RGS7BP: variants seen among roughly 807,000 people sequenced by gnomAD.
The protein encoded by RGS7BP is regulator of G protein signaling 7 binding protein, also known as regulator of G protein signaling 7-binding protein.
A neutral mutation model predicts 31.3 loss-of-function variants in RGS7BP; 9 were observed. The ratio of observed to expected loss-of-function variants is 0.29; its 90% CI spans 0.17 to 0.50. RGS7BP has a LOEUF of 0.50. RGS7BP is among the 20% of genes least tolerant of loss of function. The pLI is 0.98. For missense variants in RGS7BP, 274 were observed against 322.0 expected, an observed-to-expected ratio of 0.85 and a Z score of 1.14; for synonymous variants, 115 against 120.1, an observed-to-expected ratio of 0.96 and a Z score of 0.28.
intron 5 of RGS7BP, among the ~76,000 whole-genome samples, chr5:64,604,174 CT>C (rs1201612905): frequency 6.6e-6 from 1 of 152,110 alleles, no homozygotes; most frequent in African/African-American, 2.4e-5. Context: ...GATCACTTCT[CT>C]TTATTCACAC....
rs77210004 is a variant in RGS7BP at position 64,534,169 on chromosome 5, C to G, written c.332+26292C>G. On this transcript the variant is annotated intron_variant, in intron 2 of 5. Transcript: ENST00000334025. Reference sequence around the variant, plus strand: ...GAGCCAGCCATGCGAAGATCTGGGGCAGAGCATGCCAGGCAGAAGGAGGAG... The same window carrying G: ...GAGCCAGCCATGCGAAGATCTGGGGGAGAGCATGCCAGGCAGAAGGAGGAG... Among the ~76,000 whole-genome samples, 516 of 152,142 alleles carry G rather than the reference C, an allele frequency of 3.4e-3. 6 individuals are homozygous for G. Among genetic ancestry groups the G allele is most frequent in the African/African-American group, 0.011 (443 of 41,496 alleles).
intron 2 of RGS7BP, among the ~76,000 whole-genome samples, chr5:64,569,359 T>G (rs545439659): frequency 1.3e-5 from 2 of 152,104 alleles, no homozygotes; most frequent in Non-Finnish European, 2.9e-5. Context: ...GGAGCATTTT[T>G]CTCCATCAGA....
intron 2 of RGS7BP, among the ~76,000 whole-genome samples, chr5:64,566,585 A>G (rs575467465): frequency 1.3e-5 from 2 of 152,224 alleles, no homozygotes; most frequent in East Asian, 3.9e-4. Flanking sequence ...TGCATGTCTC[A>G]TTAGCATCTT....
chr5:64,575,967 A>C, intron 3 of RGS7BP, 63 bp downstream of exon 3: 1 of 1,491,886 alleles, frequency 6.7e-7, no homozygotes, highest in Non-Finnish European at 9.2e-7. Flanking sequence ...ATCTTTGGCA[A>C]AGTGTCCGTA....
At chr5:64,563,753 C>T (rs941183075) in intron 2 of RGS7BP, among the ~76,000 whole-genome samples, 2 of 152,128 alleles carry the variant, frequency 1.3e-5, no homozygotes, top group South Asian at 2.1e-4. Context: ...CAAGCTAATA[C>T]ACAATACGAT....
intron 5 of RGS7BP, among the ~76,000 whole-genome samples, chr5:64,600,234 A>G (rs1580470406): frequency 6.6e-6 from 1 of 152,032 alleles, no homozygotes; most frequent in East Asian, 1.9e-4. Context: ...CCTCCCTCAC[A>G]TTCAGCTTTC....
At chr5:64,537,107 T>C (rs1349133786) in intron 2 of RGS7BP, among the ~76,000 whole-genome samples, 2 of 152,180 alleles carry the variant, frequency 1.3e-5, no homozygotes, top group African/African-American at 4.8e-5. Flanking sequence ...ATAATGAGTA[T>C]GGTTCTTGCC....
In RGS7BP at chr5:64,610,789, C is replaced by T. The variant is rs1743483348; in HGVS notation, c.*1537C>T. Reference sequence around the variant, plus strand: ...GTTTTGACCTACAAAATGGCAATTTCTTATAGTTCACCCTAATATCCAATG... The same window carrying T: ...GTTTTGACCTACAAAATGGCAATTTTTTATAGTTCACCCTAATATCCAATG... On this transcript the variant is annotated 3_prime_UTR_variant, in exon 6 of 6. Coordinates refer to ENST00000334025, the MANE Select transcript of RGS7BP (RefSeq NM_001029875.3). The T allele has an allele frequency of 6.6e-6, 1 of 151,914 alleles. No homozygotes were observed. The highest frequency in any genetic ancestry group is 1.5e-5 in the Non-Finnish European group (1 of 67,916). 9.4% of individuals were successfully genotyped at this position (151,914 alleles called of 1,614,324 possible). A position where few individuals can be genotyped will look rare whatever the true frequency, so the allele number is the denominator to read the frequency against.
chr5:64,549,713 T>G (rs1050863413), intron 2 of RGS7BP, among the ~76,000 whole-genome samples: 13 of 152,204 alleles, frequency 8.5e-5, no homozygotes, highest in African/African-American at 3.1e-4. Context: ...CTTTATCAAG[T>G]GATGGTCCAG....
chr5:64,552,321 T>C (rs1741816550), intron 2 of RGS7BP, among the ~76,000 whole-genome samples: 1 of 152,178 alleles, frequency 6.6e-6, no homozygotes, highest in Non-Finnish European at 1.5e-5. Flanking sequence ...ATTCTGATTA[T>C]TTTTTCCAAA....
At chr5:64,556,418 CA>C (rs1246558239) in intron 2 of RGS7BP, among the ~76,000 whole-genome samples, 59 of 12,712 alleles carry the variant, frequency 4.6e-3, no homozygotes, top group Middle Eastern at 0.053. Context: ...CTTCCCCAGC[CA>C]CACACACACA....
chr5:64,560,514 T>TA (rs1196636261), intron 2 of RGS7BP, among the ~76,000 whole-genome samples: 1 of 149,154 alleles, frequency 6.7e-6, no homozygotes, highest in African/African-American at 2.5e-5. Flanking sequence ...TTTTTGTATT[T>TA]AAAAATATGT....
chr5:64,567,464 A>G (rs971929856), intron 2 of RGS7BP, among the ~76,000 whole-genome samples: 2 of 152,196 alleles, frequency 1.3e-5, no homozygotes, highest in Admixed American at 1.3e-4. Flanking sequence ...GTCATCAAGC[A>G]AATACCCACT....
chr5:64,587,719 T>G (rs1434068005), intron 3 of RGS7BP, among the ~76,000 whole-genome samples: 1 of 152,160 alleles, frequency 6.6e-6, no homozygotes, highest in South Asian at 2.1e-4. Context: ...TTTTCCAGAC[T>G]AAATTGCTCA....
Position 64,506,864 on chromosome 5 carries a change from T to C in RGS7BP, c.165+75T>C, listed in dbSNP as rs926735257. On this transcript the variant is annotated intron_variant, in intron 1 of 5. Coordinates refer to ENST00000334025, the MANE Select transcript of RGS7BP (RefSeq NM_001029875.3). The surrounding 1 kb of genome is among the most constrained non-coding windows in gnomAD (Gnocchi z 4.6). Reference sequence around the variant, plus strand: ...GGGGGGAGTCATGTATGTTAATCATTTGCCTGAGTGCCAGCCACTCCCCCA... The same window carrying C: ...GGGGGGAGTCATGTATGTTAATCATCTGCCTGAGTGCCAGCCACTCCCCCA... 9 of 1,389,210 alleles carry C rather than the reference T, an allele frequency of 6.5e-6. No homozygotes were observed. Among genetic ancestry groups the C allele is most frequent in the Admixed American group, 4.6e-5 (2 of 43,890 alleles). The allele number at this position is 1,389,210 out of a possible 1,614,324, so 86.1% of individuals were successfully genotyped here.
chr5:64,607,271 T>C (rs1743387228), intron 5 of RGS7BP, among the ~76,000 whole-genome samples: 1 of 152,198 alleles, frequency 6.6e-6, no homozygotes, highest in African/African-American at 2.4e-5. Flanking sequence ...CCAAAAAGTA[T>C]CTGAGACACA....
At chr5:64,577,314 C>T (rs1416461193) in intron 3 of RGS7BP, among the ~76,000 whole-genome samples, 1 of 151,886 alleles carries the variant, frequency 6.6e-6, no homozygotes, top group Non-Finnish European at 1.5e-5. Flanking sequence ...TGGTGGGGGG[C>T]GCCTGTAATC....
At chr5:64,574,338 G>A (rs1349925032) in intron 2 of RGS7BP, among the ~76,000 whole-genome samples, 1 of 151,876 alleles carries the variant, frequency 6.6e-6, no homozygotes, top group South Asian at 2.1e-4. Flanking sequence ...ATGTCTGAGT[G>A]GGGTGGGATG....
intron 5 of RGS7BP, chr5:64,601,521 T>A: frequency 2.7e-6 from 2 of 740,996 alleles, no homozygotes; most frequent in South Asian, 1.2e-4. Flanking sequence ...TTCAGCCTTT[T>A]CTTTCCCGTC....
Sources: allele counts gnomAD v4.1 joint callset (sites outside exome capture counted in the v4.1 genomes callset), GRCh38; gene constraint gnomAD v4.1.1; non-coding constraint Gnocchi (gnomAD v3.1); transcripts MANE v1.5; gene names NCBI Gene and HGNC (gene_info 2026-07-23, HGNC 2026-07-21).